The following ALDH1L1 variants were observed in gnomAD, a reference collection of about 807,000 sequenced individuals.
ALDH1L1 encodes the protein aldehyde dehydrogenase 1 family member L1, also known as cytosolic 10-formyltetrahydrofolate dehydrogenase.
ALDH1L1 carries 68 observed loss-of-function variants against 101.1 expected under a neutral mutation model. That is an observed-to-expected ratio of 0.67 (90% CI 0.55 to 0.82). The LOEUF is 0.82. ALDH1L1 is among the 40% of genes least tolerant of loss of function. The pLI is 0.00. For missense variants in ALDH1L1, 1,087 were observed against 1,172.7 expected, an observed-to-expected ratio of 0.93 and a Z score of 1.07; for synonymous variants, 486 against 470.8, an observed-to-expected ratio of 1.03 and a Z score of -0.42.
At chr3:126,111,761 G>A (rs1328584938) in intron 19 of ALDH1L1, among the ~76,000 whole-genome samples, 2 of 152,178 alleles carry the variant, frequency 1.3e-5, no homozygotes, top group Non-Finnish European at 2.9e-5. Context: ...TGTGGCGGTT[G>A]CTGGCTGTTT....
At chr3:126,154,781 T>C in intron 5 of ALDH1L1, 138 bp from the exon 6 acceptor site, 1 of 709,168 alleles carries the variant, frequency 1.4e-6, no homozygotes, top group Non-Finnish European at 2.5e-6. Context: ...CAGGAGTCCC[T>C]GAGCTGGTGC....
At chr3:126,179,076 G>T (rs550657846) in intron 1 of ALDH1L1, among the ~76,000 whole-genome samples, 2 of 152,376 alleles carry the variant, frequency 1.3e-5, no homozygotes, top group African/African-American at 2.4e-5. Flanking sequence ...CCTCAATCAG[G>T]CTTGCCCTTT....
intron 1 of ALDH1L1, 44 bp downstream of exon 1, chr3:126,180,432 C>G (rs2108346358): frequency 1.0e-6 from 1 of 988,340 alleles, no homozygotes. Context: ...GGGCAGCCTC[C>G]TTTCCGCCGG....
chr3:126,149,353 T>C (rs2108276631), intron 8 of ALDH1L1, among the ~76,000 whole-genome samples: 1 of 152,222 alleles, frequency 6.6e-6, no homozygotes, highest in East Asian at 1.9e-4. Flanking sequence ...GATGCAGGAC[T>C]TGGCTGCAGC....
At position 126,192,160 on chromosome 3, in the gene ALDH1L1, G is replaced by A. The variant is rs1194103822; in HGVS notation, c.-24+5575C>T. Among the ~76,000 whole-genome samples, 4 of 152,114 alleles carry A rather than the reference G, an allele frequency of 2.6e-5. 1 individual carries two copies. Among genetic ancestry groups the A allele is most frequent in the Middle Eastern group, 6.3e-3 (2 of 316 alleles). On this transcript the variant is annotated intron_variant, in intron 1 of 2. Transcript: ENST00000509952. ...GAACCACAGGAAACCTTGGTATCAC[G>A]ATTTTATTAAGTGCTCGTAAATCGT...
At chr3:126,154,846 A>C (rs2080874048) in intron 5 of ALDH1L1, among the ~76,000 whole-genome samples, 1 of 152,136 alleles carries the variant, frequency 6.6e-6, no homozygotes, top group South Asian at 2.1e-4. Context: ...AGCAGACTTC[A>C]GAATGGTTTG....
At chr3:126,104,372 C>A (rs1559908213) in intron 22 of ALDH1L1, 1 of 164,390 alleles carries the variant, frequency 6.1e-6, no homozygotes, top group East Asian at 1.8e-4. Context: ...AGGAGTGGCA[C>A]TGCCCCGTCC....
chr3:126,116,036 C>G (rs2079962327), intron 17 of ALDH1L1, among the ~76,000 whole-genome samples: 1 of 129,566 alleles, frequency 7.7e-6, no homozygotes. Context: ...CCACACCTGG[C>G]TATTTTTTTT....
rs115635547 is a variant in ALDH1L1, at chr3:126,147,426, G to A, written c.985-500C>T. ...TCACAGATGGGTTCAGGAGACCTGG[G>A]TCTTGACCTCACCAAGATGCTAACT... On this transcript the variant is annotated intron_variant, in intron 8 of 22. Coordinates refer to ENST00000393434, the MANE Select transcript of ALDH1L1 (RefSeq NM_012190.4). Among the ~76,000 whole-genome samples the A allele has an allele frequency of 6.4e-3, 980 of 152,328 alleles. 13 individuals carry two copies. Among genetic ancestry groups the A allele is most frequent in the African/African-American group, 0.023 (944 of 41,578 alleles).
At chr3:126,166,309 T>C (rs1376224658) in intron 1 of ALDH1L1, among the ~76,000 whole-genome samples, 1 of 152,216 alleles carries the variant, frequency 6.6e-6, no homozygotes, top group Non-Finnish European at 1.5e-5. Flanking sequence ...GCTTCTGGGA[T>C]CTTTCTCTAA....
At chr3:126,179,145 G>A (rs1054317515) in intron 1 of ALDH1L1, among the ~76,000 whole-genome samples, 6 of 152,344 alleles carry the variant, frequency 3.9e-5, no homozygotes, top group African/African-American at 1.4e-4. Context: ...TGGGCCGTAT[G>A]GGCCGCCTCC....
chr3:126,142,231 G>A (rs2080582894), intron 9 of ALDH1L1, among the ~76,000 whole-genome samples: 1 of 152,120 alleles, frequency 6.6e-6, no homozygotes, highest in East Asian at 1.9e-4. Flanking sequence ...AAAAGCCCAG[G>A]GCTGAATGAT....
intron 7 of ALDH1L1, chr3:126,152,235 T>G (rs1052046919): frequency 6.6e-6 from 1 of 152,196 alleles, no homozygotes; most frequent in Non-Finnish European, 1.5e-5. Flanking sequence ...AGGGTGCAGT[T>G]AATACTCCAA....
Position 126,150,124 on chromosome 3 carries a change from A to G in ALDH1L1, c.984+282T>C, listed in dbSNP as rs182425551. Among the ~76,000 whole-genome samples the G allele has an allele frequency of 3.8e-4, 58 of 152,302 alleles. No homozygotes were observed. The South Asian group carries it at 3.9e-3, about 10-fold the overall frequency. On this transcript the variant is annotated intron_variant, in intron 8 of 22. Coordinates refer to ENST00000393434, the MANE Select transcript of ALDH1L1 (RefSeq NM_012190.4). The stretch of plus-strand genomic sequence containing the variant: ...CATGGGCTTGACACCTGACTCTTTC[A>G]AATATTCCAGGAGCTTCTGTTTCAC...
intron 7 of ALDH1L1, 29 bp from the exon 8 acceptor site, chr3:126,150,560 CTT>C (rs2080789426): frequency 1.3e-6 from 2 of 1,543,574 alleles, no homozygotes; most frequent in South Asian, 2.4e-5. Context: ...CTTTTCTTTT[CTT>C]TTCTTTTTTT....
At chr3:126,174,292 A>C (rs1366814834) in intron 1 of ALDH1L1, among the ~76,000 whole-genome samples, 1 of 152,248 alleles carries the variant, frequency 6.6e-6, no homozygotes, top group African/African-American at 2.4e-5. Flanking sequence ...GGCCTCCCAA[A>C]GTGCTGGTAT....
At chr3:126,180,606 C>G, upstream of ALDH1L1, 1 of 1,220,192 alleles carries the variant, frequency 8.2e-7, no homozygotes, top group Non-Finnish European at 1.0e-6. Context: ...TCCGCGAGCT[C>G]TGGTTAAGGC....
chr3:126,135,441 T>G (rs903016234), intron 12 of ALDH1L1, 94 bp downstream of exon 12: 12 of 1,540,032 alleles, frequency 7.8e-6, no homozygotes, highest in Non-Finnish European at 8.7e-7. Context: ...CAGCTCCTCC[T>G]GGCAGGTAAA....
At chr3:126,130,153 C>T (rs1273683738) in intron 14 of ALDH1L1, 70 bp downstream of exon 14, 1 of 1,419,030 alleles carries the variant, frequency 7.0e-7, no homozygotes, top group African/African-American at 1.4e-5. Context: ...CTCCCGCAGG[C>T]TGTGCTACAG....
Sources: allele counts gnomAD v4.1 joint callset (sites outside exome capture counted in the v4.1 genomes callset), GRCh38; gene constraint gnomAD v4.1.1; transcripts MANE v1.5; gene names NCBI Gene and HGNC (gene_info 2026-07-23, HGNC 2026-07-21).